Variants in ADGRD1 observed in about 807,000 individuals in gnomAD.
ADGRD1 encodes the protein adhesion G protein-coupled receptor D1, also known as G-protein coupled receptor 133.
In ADGRD1, 77 loss-of-function variants were observed where a neutral mutation model predicts 113.4. The observed-to-expected ratio is 0.68, with a 90% CI of 0.57 to 0.82. The LOEUF (loss-of-function observed/expected upper bound fraction) is 0.82, where lower values mean the gene tolerates loss of function less well. ADGRD1 is among the 40% of genes least tolerant of loss of function. The probability of loss-of-function intolerance (pLI) is 0.00; values close to 1 mark genes in which losing one functional copy is unlikely to be tolerated. For missense variants in ADGRD1, 1,036 were observed against 1,139.1 expected (o/e 0.91, Z 1.30); for synonymous variants, 474 against 475.0 (o/e 1.00, Z 0.03).
chr12:130,964,954 G>A (rs1870846458), intron 2 of ADGRD1, among the ~76,000 whole-genome samples: 1 of 151,972 alleles, frequency 6.6e-6, no homozygotes, highest in African/African-American at 2.4e-5. Flanking sequence ...AATTCTCTCA[G>A]CATTTTTACA....
At chr12:131,047,733 C>A (rs1235489384) in intron 13 of ADGRD1, among the ~76,000 whole-genome samples, 1 of 152,186 alleles carries the variant, frequency 6.6e-6, no homozygotes, top group Non-Finnish European at 1.5e-5. Context: ...GCCATAAATT[C>A]CCCACCTCAG....
At chr12:131,099,357 A>G (rs75532355) in intron 15 of ADGRD1, among the ~76,000 whole-genome samples, 1,560 of 152,264 alleles carry the variant, frequency 0.01, 23 homozygotes, top group African/African-American at 0.035. Flanking sequence ...TGGAGTCAAC[A>G]TTTAACACAG....
At chr12:131,038,893 G>T (rs1258034570) in intron 13 of ADGRD1, among the ~76,000 whole-genome samples, 1 of 152,248 alleles carries the variant, frequency 6.6e-6, no homozygotes, top group Non-Finnish European at 1.5e-5. Flanking sequence ...AAAGGGAAAA[G>T]ACTAGGTCGC....
intron 2 of ADGRD1, chr12:130,957,359 A>C (rs938709971): frequency 1.3e-5 from 2 of 152,304 alleles, no homozygotes; most frequent in African/African-American, 4.8e-5. Flanking sequence ...ACATGCTCGC[A>C]CATCTCTACA....
At chr12:131,037,514 T>C (rs1188861945) in intron 13 of ADGRD1, among the ~76,000 whole-genome samples, 7 of 84,416 alleles carry the variant, frequency 8.3e-5, no homozygotes, top group African/African-American at 3.7e-4. Context: ...TTGCACTGGG[T>C]CTCACTCACT....
intron 18 of ADGRD1, among the ~76,000 whole-genome samples, chr12:131,116,364 AC>A (rs1191679392): frequency 2.0e-5 from 3 of 152,134 alleles, no homozygotes; most frequent in Non-Finnish European, 4.4e-5. Context: ...TATTGCCCAG[AC>A]ATTCTGCAAT....
chr12:130,973,812 G>A (rs2136547808), intron 4 of ADGRD1, among the ~76,000 whole-genome samples: 1 of 116,206 alleles, frequency 8.6e-6, no homozygotes, highest in East Asian at 2.6e-4. Flanking sequence ...TAAACCGGGG[G>A]TGCGGTGGCT....
intron 12 of ADGRD1, among the ~76,000 whole-genome samples, chr12:131,011,881 T>A (rs1444666943): frequency 2.0e-5 from 3 of 152,184 alleles, no homozygotes; most frequent in African/African-American, 4.8e-5. Context: ...ACCACACGTC[T>A]TAGGGCCTTG....
chr12:130,974,545 C>T (rs915544305), intron 4 of ADGRD1, among the ~76,000 whole-genome samples: 27 of 152,248 alleles, frequency 1.8e-4, no homozygotes, highest in African/African-American at 4.1e-4. Flanking sequence ...GCGAGTCCTC[C>T]GCCACACTTA....
At chr12:131,070,878 C>T (rs1409054484) in intron 13 of ADGRD1, 1 of 519,018 alleles carries the variant, frequency 1.9e-6, no homozygotes, top group East Asian at 5.5e-5. Context: ...CACGGGACGT[C>T]CTGGAGAGTC....
intron 2 of ADGRD1, among the ~76,000 whole-genome samples, chr12:130,955,136 TGTA>T (rs1429543815): frequency 2.5e-4 from 36 of 144,714 alleles, no homozygotes; most frequent in Admixed American, 3.4e-4. Flanking sequence ...TTTTTTTTTT[TGTA>T]TTTTTAGTAG....
intron 4 of ADGRD1, chr12:130,981,153 G>A (rs1204117657): frequency 1.3e-5 from 2 of 152,184 alleles, no homozygotes; most frequent in Non-Finnish European, 2.9e-5. Context: ...TATCCTAAAG[G>A]CATATAGTCT....
At chr12:130,987,727 CT>C in intron 6 of ADGRD1, 1 of 287,878 alleles carries the variant, frequency 3.5e-6, no homozygotes, top group South Asian at 4.2e-5. Context: ...ATACCTCTTC[CT>C]ATTCAGCACA....
intron 15 of ADGRD1, among the ~76,000 whole-genome samples, chr12:131,089,894 C>G (rs1886790219): frequency 6.6e-6 from 1 of 152,258 alleles, no homozygotes; most frequent in Admixed American, 6.5e-5. Flanking sequence ...TGCCTGGGAG[C>G]AGAGCCTCCT....
Position 130,966,363 on chromosome 12 carries a change from C to T in ADGRD1, c.104-100C>T, listed in dbSNP as rs1870989147. The T allele has an allele frequency of 1.4e-6, 1 of 739,926 alleles. No homozygotes were observed. The highest frequency in any genetic ancestry group is 1.7e-5 in the African/African-American group (1 of 57,912). 45.8% of individuals were successfully genotyped at this position (739,926 alleles called of 1,614,324 possible). On this transcript the variant is annotated intron_variant, in intron 2 of 24. Transcript: ENST00000261654. The surrounding 1 kb of genome is among the most constrained non-coding windows in gnomAD (Gnocchi z 4.6). ...CAGTATCTCCCACAGACATGGGATCCTTTTACTCTTCCCCCATAATGTGTG... is the reference window on the plus strand; with the variant it reads ...CAGTATCTCCCACAGACATGGGATCTTTTTACTCTTCCCCCATAATGTGTG...
intron 13 of ADGRD1, among the ~76,000 whole-genome samples, chr12:131,018,522 C>T (rs1020048362): frequency 3.9e-5 from 6 of 152,154 alleles, no homozygotes; most frequent in Middle Eastern, 3.4e-3. Context: ...GCGCTTCCCT[C>T]GTGCTGCCCC....
intron 13 of ADGRD1, among the ~76,000 whole-genome samples, chr12:131,021,514 C>T (rs1879315335): frequency 6.6e-6 from 1 of 152,160 alleles, no homozygotes; most frequent in Admixed American, 6.5e-5. Flanking sequence ...ATCGCAGCAT[C>T]AGGCTGTGTG....
chr12:131,134,182 A>T (rs1951010962), intron 21 of ADGRD1, among the ~76,000 whole-genome samples: 1 of 152,224 alleles, frequency 6.6e-6, no homozygotes, highest in African/African-American at 2.4e-5. Context: ...TGCACCCACG[A>T]GCAGGTGGGC....
At position 131,098,094 on chromosome 12, in the gene ADGRD1, G is replaced by A. The variant is rs146055504; in HGVS notation, c.1672-6737G>A. Among the ~76,000 whole-genome samples the A allele has an allele frequency of 0.023, 675 of 29,450 alleles. 9 individuals are homozygous for A. In the East Asian group the frequency reaches 0.26, roughly 11 times the overall value. 19.3% of individuals were successfully genotyped at this position (29,450 alleles called of 152,430 possible). The stretch of plus-strand genomic sequence containing the variant: ...TGGTTCCAGTTTCTGCTGGTGGCCC[G>A]GCCTGGCTCTGCTGCTGTCCCCTCT... On this transcript the variant is annotated intron_variant, in intron 15 of 24. Coordinates refer to ENST00000261654, the MANE Select transcript of ADGRD1 (RefSeq NM_198827.5).
Sources: gnomAD v4.1 joint callset for allele counts (sites outside exome capture counted in the v4.1 genomes callset) on GRCh38, gnomAD v4.1.1 for gene constraint, Gnocchi (gnomAD v3.1) non-coding constraint, MANE v1.5 for transcripts, NCBI Gene and HGNC (gene_info 2026-07-23, HGNC 2026-07-21) for gene names.